CCDC144A: variants seen among roughly 807,000 people sequenced by gnomAD.
CCDC144A encodes the protein coiled-coil domain-containing protein 144A.
In CCDC144A, 41 loss-of-function variants were observed where a neutral mutation model predicts 143.8. The observed-to-expected ratio is 0.29, with a 90% CI of 0.22 to 0.37. The LOEUF (loss-of-function observed/expected upper bound fraction) is 0.37. CCDC144A is among the 10% of genes least tolerant of loss of function. CCDC144A has a pLI of 1.00. For missense variants in CCDC144A, 637 were observed against 1,488.8 expected, an observed-to-expected ratio of 0.43 and a Z score of 9.41; for synonymous variants, 242 against 517.9, an observed-to-expected ratio of 0.47 and a Z score of 7.23.
At chr17:16,746,242 T>G (rs1050390086) in intron 12 of CCDC144A, 4 of 1,353,724 alleles carry the variant, frequency 3.0e-6, no homozygotes, top group Non-Finnish European at 4.0e-6. Flanking sequence ...TTCTCTGCAA[T>G]TTTCTTCTGT....
upstream of CCDC144A, among the ~76,000 whole-genome samples, chr17:16,684,866 G>A (rs182618812): frequency 1.3e-5 from 2 of 152,292 alleles, no homozygotes; most frequent in Admixed American, 6.5e-5. Flanking sequence ...GGACGCTGAG[G>A]TGGGAGGATG....
intron 2 of CCDC144A, among the ~76,000 whole-genome samples, chr17:16,703,587 G>C (rs1175830385): frequency 6.6e-6 from 1 of 152,156 alleles, no homozygotes; most frequent in Admixed American, 6.5e-5. Flanking sequence ...GGCGGATTAC[G>C]AGGTCAGGAG....
intron 8 of CCDC144A, among the ~76,000 whole-genome samples, chr17:16,724,770 C>T (rs1337220492): frequency 3.0e-5 from 4 of 133,250 alleles, no homozygotes; most frequent in East Asian, 2.2e-4. Context: ...TGAGATTACA[C>T]GTTCTTGATT....
At chr17:16,771,471 T>C (rs2621495) in intron 15 of CCDC144A, among the ~76,000 whole-genome samples, 129,030 of 152,070 alleles carry the variant, frequency 0.85, 53,883 homozygotes, top group African/African-American at 0.95. Context: ...ATCACAACAA[T>C]ACTGCTTTCT....
rs1344665761 is a variant in CCDC144A, at chr17:16,726,707, CAT to C, written c.1892-819_1892-818del. Among the ~76,000 whole-genome samples, 6 of 152,076 alleles carry C rather than the reference CAT, an allele frequency of 3.9e-5. No homozygotes were observed. In the South Asian group the frequency reaches 8.3e-4, roughly 21 times the overall value. ...TGATCTGGGGCGGTTTTCTGGCACACATGTGCTGTTTGTTACTCTGCTAGATA... is the reference window on the plus strand; with the variant it reads ...TGATCTGGGGCGGTTTTCTGGCACACGTGCTGTTTGTTACTCTGCTAGATA... On this transcript the variant is annotated intron_variant, in intron 8 of 16. Transcript: ENST00000399273.
At chr17:16,725,298 T>G (rs2143204872) in intron 8 of CCDC144A, among the ~76,000 whole-genome samples, 1 of 152,170 alleles carries the variant, frequency 6.6e-6, no homozygotes, top group Admixed American at 6.5e-5. Flanking sequence ...AGCTGTTTGA[T>G]TTCCACTGGT....
At chr17:16,723,690 G>A (rs1179808281) in intron 8 of CCDC144A, among the ~76,000 whole-genome samples, 1 of 152,040 alleles carries the variant, frequency 6.6e-6, no homozygotes, top group African/African-American at 2.4e-5. Context: ...GCCCTCTGGG[G>A]TCTATATATA....
At chr17:16,746,026 T>G in intron 12 of CCDC144A, 19 of 1,611,936 alleles carry the variant, frequency 1.2e-5, no homozygotes, top group Non-Finnish European at 1.6e-5. Context: ...TCCACATCCC[T>G]GTGCTCTTTA....
Position 16,753,434 on chromosome 17 carries a change from T to TGTTGTTGTTGTTG in CCDC144A, c.3373-7991_3373-7990insGTTGTTGTTGTTG, listed in dbSNP as rs1307923345. Among the ~76,000 whole-genome samples, 342 of 118,438 alleles carry TGTTGTTGTTGTTG rather than the reference T, an allele frequency of 2.9e-3. 3 individuals carry two copies. The highest frequency in any genetic ancestry group is 0.024 in the East Asian group (89 of 3,686). The allele number at this position is 118,438 out of a possible 152,430, so 77.7% of individuals were successfully genotyped here. Reference sequence around the variant, plus strand: ...CTTTTGTCAGTGTTTTGTAGTTTTTTTTTTTTTTTTTTTTTTTTTTTTGTA... The same window carrying TGTTGTTGTTGTTG: ...CTTTTGTCAGTGTTTTGTAGTTTTTTGTTGTTGTTGTTGTTTTTTTTTTTTTTTTTTTTTTGTA... On this transcript the variant is annotated intron_variant, in intron 12 of 16. Transcript: ENST00000399273.
chr17:16,694,834 A>T (rs1202921270), intron 2 of CCDC144A, among the ~76,000 whole-genome samples: 1 of 152,194 alleles, frequency 6.6e-6, no homozygotes, highest in Non-Finnish European at 1.5e-5. Context: ...GTTAATTGCT[A>T]TGTTAACAGT....
At chr17:16,718,832 G>GT (rs71355519) in intron 6 of CCDC144A, among the ~76,000 whole-genome samples, 2,160 of 105,736 alleles carry the variant, frequency 0.02, 149 homozygotes, top group African/African-American at 0.069. Flanking sequence ...ATTATAAAGT[G>GT]TTTTTTTTTT....
Position 16,734,896 on chromosome 17 carries a change from A to G in CCDC144A, c.2625A>G (p.Thr875=), listed in dbSNP as rs563997797. The G allele has an allele frequency of 1.9e-6, 3 of 1,573,220 alleles. No individual in the cohort carries two copies. The highest frequency in any genetic ancestry group is 2.7e-5 in the African/African-American group (2 of 72,992). ...KIIKLNEETL[T]ETILQYSGQL... ...TAAAACTAAATGAGGAAACATTAAC[A>G]GAAACAATACTCCAGTACAGTGGAC... The change falls in exon 12 of 17, where the codon ACA becomes ACG. Residue 875 remains threonine, a synonymous_variant. Coordinates refer to ENST00000399273, the MANE Select transcript of CCDC144A (RefSeq NM_001382000.1).
At chr17:16,694,886 G>T (rs577909735) in intron 2 of CCDC144A, among the ~76,000 whole-genome samples, 8 of 152,348 alleles carry the variant, frequency 5.3e-5, no homozygotes, top group African/African-American at 1.9e-4. Flanking sequence ...TTAGCCAAAA[G>T]ATTATCACAA....
At chr17:16,749,232 A>G (rs971053173) in intron 12 of CCDC144A, among the ~76,000 whole-genome samples, 31 of 151,986 alleles carry the variant, frequency 2.0e-4, no homozygotes, top group Non-Finnish European at 5.9e-5. Context: ...TTTGTTTTGC[A>G]CTATAAGCTT....
intron 5 of CCDC144A, 150 bp downstream of exon 5, chr17:16,709,785 G>A: frequency 8.4e-7 from 1 of 1,189,172 alleles, no homozygotes; most frequent in Non-Finnish European, 1.2e-6. Context: ...CTAAGTAATA[G>A]GAGTTTAGGA....
chr17:16,688,365 G>T (rs889208123), upstream of CCDC144A, among the ~76,000 whole-genome samples: 80 of 151,974 alleles, frequency 5.3e-4, no homozygotes, highest in Non-Finnish European at 7.5e-4. Flanking sequence ...GTGCAGATGT[G>T]CACACGATAT....
chr17:16,691,132 G>A lies in CCDC144A; in HGVS notation c.344+388G>A, dbSNP rs541016989. ...TGGGAGGCCGAGGAGGGCAGATCAC[G>A]AGGTCAGAAGTTCGAGACCAGGCTG... On this transcript the variant is annotated intron_variant, in intron 1 of 16. Coordinates refer to ENST00000399273, the MANE Select transcript of CCDC144A (RefSeq NM_001382000.1). Among the ~76,000 whole-genome samples, 318 of 152,166 alleles carry A rather than the reference G, an allele frequency of 2.1e-3. 2 individuals are homozygous for A. Among genetic ancestry groups the A allele is most frequent in the African/African-American group, 7.4e-3 (308 of 41,510 alleles).
rs1165517554 is a variant in CCDC144A, at chr17:16,774,872, C to G, written c.*1239C>G. On this transcript the variant is annotated 3_prime_UTR_variant, in exon 17 of 17. Transcript: ENST00000399273. ...ATGCTCTCCCTTCTTTCACCCGCCA[C>G]CATCCCACATGCCCCTGTGTGTGTT... The G allele has an allele frequency of 6.9e-6, 1 of 143,964 alleles. No individual in the cohort carries two copies. Among genetic ancestry groups the G allele is most frequent in the East Asian group, 2.0e-4 (1 of 4,900 alleles). 8.9% of individuals were successfully genotyped at this position (143,964 alleles called of 1,614,324 possible). A position where few individuals can be genotyped will look rare whatever the true frequency, so the allele number is the denominator to read the frequency against.
chr17:16,684,007 A>G, the CCDC144A span: 1 of 973,586 alleles, frequency 1.0e-6, no homozygotes, highest in Non-Finnish European at 1.7e-6. Context: ...CAAACCAAAG[A>G]GCGGAAATTC....
Sources: gnomAD v4.1 joint callset for allele counts (sites outside exome capture counted in the v4.1 genomes callset) on GRCh38, gnomAD v4.1.1 for gene constraint, MANE v1.5 for transcripts, NCBI Gene and HGNC (gene_info 2026-07-23, HGNC 2026-07-21) for gene names.